Variants in EYS observed in about 807,000 individuals in gnomAD.
The protein encoded by EYS is EGF-like photoreceptor maintenance factor.
EYS carries 250 observed loss-of-function variants against 282.1 expected under a neutral mutation model. The observed-to-expected ratio is 0.89, with a 90% confidence interval of 0.80 to 0.98. EYS has a LOEUF of 0.98. EYS is among the 50% of genes least tolerant of loss of function. The probability of loss-of-function intolerance (pLI) is 0.00; values close to 1 mark genes in which losing one functional copy is unlikely to be tolerated. For synonymous variants in EYS, 1,355 were observed against 1,282.9 expected (o/e 1.06, Z -1.20); for missense variants, 4,016 against 3,709.0 (o/e 1.08, Z -2.15).
intron 31 of EYS, among the ~76,000 whole-genome samples, chr6:64,101,559 C>CA (rs35511876): frequency 3.0e-4 from 44 of 149,086 alleles, no homozygotes; most frequent in South Asian, 8.5e-4. Context: ...AACTTGGCAA[C>CA]AAAAAAAAAA....
At chr6:64,407,534 T>A (rs915847556) in intron 28 of EYS, among the ~76,000 whole-genome samples, 6 of 152,210 alleles carry the variant, frequency 3.9e-5, no homozygotes, top group African/African-American at 1.4e-4. Flanking sequence ...TATCTTGGTA[T>A]ACTTGATGCT....
In EYS at chr6:65,642,787, G is replaced by A. The variant is rs924152944; in HGVS notation, c.-447-2895C>T. Among the ~76,000 whole-genome samples the A allele has an allele frequency of 1.8e-4, 27 of 152,062 alleles. 1 individual carries two copies. Among genetic ancestry groups the A allele is most frequent in the African/African-American group, 5.8e-4 (24 of 41,406 alleles). Reference sequence around the variant, plus strand: ...GAAGATATTTTAAAATATATCTTACGCAGATTTTTAGAAGTTTTTAATAGA... The same window carrying A: ...GAAGATATTTTAAAATATATCTTACACAGATTTTTAGAAGTTTTTAATAGA... On this transcript the variant is annotated intron_variant, in intron 1 of 42. Transcript: ENST00000503581.
chr6:64,185,837 C>T (rs542250456), intron 31 of EYS, among the ~76,000 whole-genome samples: 1 of 152,252 alleles, frequency 6.6e-6, no homozygotes, highest in South Asian at 2.1e-4. Context: ...GTGCTATTCA[C>T]TTAATACACA....
chr6:64,501,506 T>C (rs1777043656), intron 26 of EYS, among the ~76,000 whole-genome samples: 1 of 151,960 alleles, frequency 6.6e-6, no homozygotes, highest in Non-Finnish European at 1.5e-5. Context: ...TAAAACAAGG[T>C]TCTGAGAACA....
intron 8 of EYS, among the ~76,000 whole-genome samples, chr6:65,381,016 T>C (rs543055377): frequency 1.1e-3 from 165 of 152,230 alleles, no homozygotes; most frequent in African/African-American, 3.8e-3. Flanking sequence ...ACACTTTTGG[T>C]GGGAGTGTAA....
At chr6:65,251,885 T>A (rs949896609) in intron 12 of EYS, among the ~76,000 whole-genome samples, 6 of 151,984 alleles carry the variant, frequency 3.9e-5, no homozygotes, top group Middle Eastern at 3.4e-3. Flanking sequence ...CCTTTTTTTG[T>A]TGTTTTTGTT....
At chr6:64,748,626 G>C (rs1206969240) in intron 22 of EYS, among the ~76,000 whole-genome samples, 2 of 152,230 alleles carry the variant, frequency 1.3e-5, no homozygotes, top group African/African-American at 2.4e-5. Context: ...TATGGAGCTA[G>C]AGAAGACAGT....
chr6:64,483,949 G>A (rs1776510179), intron 26 of EYS, among the ~76,000 whole-genome samples: 1 of 151,666 alleles, frequency 6.6e-6, no homozygotes. Context: ...TACGAACTCA[G>A]CTAGTGTTTG....
intron 26 of EYS, among the ~76,000 whole-genome samples, chr6:64,541,898 G>A (rs915783197): frequency 6.6e-6 from 1 of 151,886 alleles, no homozygotes; most frequent in African/African-American, 2.4e-5. Flanking sequence ...CATTTTATAC[G>A]GTCAGAAACA....
At chr6:63,998,234 C>T (rs1443015439) in intron 34 of EYS, among the ~76,000 whole-genome samples, 1 of 152,086 alleles carries the variant, frequency 6.6e-6, no homozygotes, top group Non-Finnish European at 1.5e-5. Flanking sequence ...GATAATCATT[C>T]TACCTTTTCA....
At chr6:65,492,762 T>C (rs2127268620) in intron 4 of EYS, among the ~76,000 whole-genome samples, 2 of 152,314 alleles carry the variant, frequency 1.3e-5, no homozygotes, top group East Asian at 3.9e-4. Context: ...ATCCACGTTA[T>C]AGAGACAATA....
chr6:65,155,238 C>A (rs1764704807), intron 12 of EYS, among the ~76,000 whole-genome samples: 1 of 151,358 alleles, frequency 6.6e-6, no homozygotes, highest in Admixed American at 6.6e-5. Flanking sequence ...CTAGATTAAG[C>A]CTTAACATAA....
At chr6:64,658,921 T>C (rs943118807) in intron 22 of EYS, among the ~76,000 whole-genome samples, 7 of 152,206 alleles carry the variant, frequency 4.6e-5, no homozygotes, top group African/African-American at 7.2e-5. Context: ...CCACCCCAAA[T>C]CAACAGAATA....
intron 28 of EYS, among the ~76,000 whole-genome samples, chr6:64,419,233 G>T (rs1404320085): frequency 1.3e-5 from 2 of 152,118 alleles, no homozygotes; most frequent in Non-Finnish European, 2.9e-5. Context: ...TCACAGTTTA[G>T]CATGGCTATC....
chr6:64,744,890 G>T (rs1302427098), intron 22 of EYS, among the ~76,000 whole-genome samples: 2 of 152,062 alleles, frequency 1.3e-5, no homozygotes, highest in African/African-American at 2.4e-5. Context: ...ATACTGGAAA[G>T]ATTTTTCTTC....
chr6:65,351,100 T>G (rs1045614031), intron 9 of EYS, among the ~76,000 whole-genome samples: 6 of 151,596 alleles, frequency 4.0e-5, no homozygotes, highest in Non-Finnish European at 7.4e-5. Context: ...ATGTTTTCAT[T>G]TATTTTAACT....
intron 39 of EYS, among the ~76,000 whole-genome samples, chr6:63,782,662 T>C (rs1770262030): frequency 6.6e-6 from 1 of 152,210 alleles, no homozygotes; most frequent in South Asian, 2.1e-4. Flanking sequence ...TTAGTCTTGC[T>C]AGCAGTCTAT....
intron 33 of EYS, among the ~76,000 whole-genome samples, chr6:64,003,780 G>T (rs146303999): frequency 1.3e-5 from 2 of 152,310 alleles, no homozygotes; most frequent in African/African-American, 4.8e-5. Context: ...AATCATGGAG[G>T]TGGTTACCTC....
intron 35 of EYS, among the ~76,000 whole-genome samples, chr6:63,969,061 T>G (rs1766434554): frequency 6.6e-6 from 1 of 152,254 alleles, no homozygotes; most frequent in African/African-American, 2.4e-5. Flanking sequence ...TATTGTTGTT[T>G]TTCTGAGTGT....
Sources: gnomAD v4.1 joint callset for allele counts (sites outside exome capture counted in the v4.1 genomes callset) on GRCh38, gnomAD v4.1.1 for gene constraint, MANE v1.5 for transcripts, NCBI Gene and HGNC (gene_info 2026-07-23, HGNC 2026-07-21) for gene names.